Variants in PALB2 observed in about 807,000 individuals in gnomAD.
PALB2 encodes the protein mutant partner and localizer of BRCA2.
PALB2 carries 82 observed loss-of-function variants against 107.4 expected under a neutral mutation model. The ratio of observed to expected loss-of-function variants is 0.76; its 90% CI spans 0.64 to 0.92. PALB2 has a LOEUF of 0.92. PALB2 is among the 40% of genes least tolerant of loss of function. PALB2 has a pLI of 0.00. For missense variants in PALB2, 1,374 were observed against 1,379.9 expected (o/e 1.00, Z 0.07); for synonymous variants, 489 against 496.8 (o/e 0.98, Z 0.21).
intron 1 of PALB2, chr16:23,640,605 T>C (rs1208249878): frequency 8.6e-6 from 2 of 233,628 alleles, no homozygotes; most frequent in Non-Finnish European, 1.7e-5. Context: ...GCAAGGTAGA[T>C]AAACATGTCC....
Position 23,635,075 on chromosome 16 carries a change from C to T in PALB2, c.1471G>A (p.Ala491Thr), listed in dbSNP as rs577969558. The T allele has an allele frequency of 6.2e-6, 10 of 1,614,092 alleles. No homozygotes were observed. Among genetic ancestry groups the T allele is most frequent in the African/African-American group, 1.3e-5 (1 of 75,012 alleles). Residue 491 changes from alanine (A) to threonine (T), a missense_variant, in exon 4 of 13, where the codon GCT (alanine) becomes ACT (threonine). Coordinates refer to ENST00000261584, the MANE Select transcript of PALB2 (RefSeq NM_024675.4). ...AAGTCATTATCTTCAGTGGGCCCAG[C>T]GGGAGAGCTGACTTTAGTTAATGAG... ...LLSLTKVSSP[A>T]GPTEDNDLSR...
At chr16:23,631,279 C>CAAAA (rs1157091932) in intron 4 of PALB2, among the ~76,000 whole-genome samples, 3 of 23,646 alleles carry the variant, frequency 1.3e-4, no homozygotes, top group Admixed American at 5.2e-4. Context: ...GACTCTGTCT[C>CAAAA]AAAAAAAAAA....
Position 23,633,671 on chromosome 16 carries a change from T to C in PALB2, c.1684+1191A>G, listed in dbSNP as rs145325004. On this transcript the variant is annotated intron_variant, in intron 4 of 12. Transcript: ENST00000261584. ...AAGTTGCTTAGGCCTTTTCATTACATGATGACTTCTAAAAGAGATAGTCAG... is the reference window on the plus strand; with the variant it reads ...AAGTTGCTTAGGCCTTTTCATTACACGATGACTTCTAAAAGAGATAGTCAG... Among the ~76,000 whole-genome samples, 834 of 152,306 alleles carry C rather than the reference T, an allele frequency of 5.5e-3. 4 individuals are homozygous for C. Among genetic ancestry groups the C allele is most frequent in the African/African-American group, 0.019 (775 of 41,566 alleles).
At chr16:23,612,997 C>T (rs1966614755) in intron 11 of PALB2, among the ~76,000 whole-genome samples, 1 of 151,398 alleles carries the variant, frequency 6.6e-6, no homozygotes, top group Non-Finnish European at 1.5e-5. Context: ...AGGTGTTCCA[C>T]CCACTTTGGC....
chr16:23,630,198 G>A lies in PALB2; in HGVS notation c.1956C>T (p.Ser652=), dbSNP rs1597090632. ...MFGERHLKEG[S]CIFPEELSPK... ...GACTCAGTTCCTCTGGAAAAATACA[G>A]CTTCCCTCTTTAAGATGTCTCTCTC... Residue 652 remains serine, a synonymous_variant, in exon 5 of 13, where the codon AGC becomes AGT. Transcript: ENST00000261584. 2 of 1,614,006 alleles carry A rather than the reference G, an allele frequency of 1.2e-6. No individual in the cohort carries two copies. Among genetic ancestry groups the A allele is most frequent in the Non-Finnish European group, 1.7e-6 (2 of 1,180,028 alleles).
chr16:23,631,038 C>T (rs928172457), intron 4 of PALB2, among the ~76,000 whole-genome samples: 4 of 147,114 alleles, frequency 2.7e-5, no homozygotes, highest in Non-Finnish European at 4.5e-5. Context: ...CTGAGGCAGG[C>T]GGATCACTTG....
At chr16:23,613,298 C>T (rs182891960) in intron 11 of PALB2, among the ~76,000 whole-genome samples, 2 of 152,100 alleles carry the variant, frequency 1.3e-5, no homozygotes, top group South Asian at 2.1e-4. Context: ...ACTATTAGTG[C>T]AAGAGCTGAG....
At position 23,614,111 on chromosome 16, in the gene PALB2, T is replaced by C. The variant is rs770731003; in HGVS notation, c.3114-20A>G. ...AAATTCCTTAGATAACAAAAATAAATAAGCTGATCACATTCTTCCAACAAA... is the reference window on the plus strand; with the variant it reads ...AAATTCCTTAGATAACAAAAATAAACAAGCTGATCACATTCTTCCAACAAA... On this transcript the variant is annotated intron_variant, in intron 10 of 12. Transcript: ENST00000261584. 2.6e-6 allele frequency: 4 copies of C among 1,513,964 alleles called. No homozygotes were observed. The South Asian group carries it at 4.5e-5, about 17-fold the overall frequency. The allele number at this position is 1,513,964 out of a possible 1,614,324, so 93.8% of individuals were successfully genotyped here. A position where few individuals can be genotyped will look rare whatever the true frequency, so the allele number is the denominator to read the frequency against.
intron 9 of PALB2, among the ~76,000 whole-genome samples, chr16:23,622,110 A>G (rs1966783152): frequency 6.6e-6 from 1 of 152,252 alleles, no homozygotes; most frequent in Non-Finnish European, 1.5e-5. Flanking sequence ...TACATGAATA[A>G]TAACAATGAA....
chr16:23,623,498 G>A (rs922999662), intron 8 of PALB2, among the ~76,000 whole-genome samples: 11 of 127,726 alleles, frequency 8.6e-5, no homozygotes, highest in East Asian at 4.6e-4. Flanking sequence ...CACCATACCC[G>A]GCCTTTTTTT....
intron 7 of PALB2, 82 bp from the exon 8 acceptor site, chr16:23,624,176 C>A: frequency 1.2e-6 from 1 of 863,626 alleles, no homozygotes; most frequent in East Asian, 2.6e-5. Flanking sequence ...TTATCACATT[C>A]TTTTGTATTC....
At position 23,623,094 on chromosome 16, in the gene PALB2, C is replaced by T. The variant is rs1567213833; in HGVS notation, c.2871G>A (p.Lys957=). The T allele has an allele frequency of 6.2e-7, 1 of 1,613,840 alleles. No homozygotes were observed. The highest frequency in any genetic ancestry group is 8.5e-7 in the Non-Finnish European group (1 of 1,179,958). The change falls in exon 9 of 13, where the codon AAG becomes AAA. Residue 957 remains lysine, a synonymous_variant. Coordinates refer to ENST00000261584, the MANE Select transcript of PALB2 (RefSeq NM_024675.4). ...TATTTCCAGACTTCAGTAGTACTTG[C>T]TTTTCACTTTCATCATCAGAGGAAC... ...LFCSSDDESE[K]QVLLKSGNIK...
At chr16:23,611,118 AT>A (rs1966579267) in intron 11 of PALB2, among the ~76,000 whole-genome samples, 1 of 144,418 alleles carries the variant, frequency 6.9e-6, no homozygotes, top group Admixed American at 6.9e-5. Flanking sequence ...CTATCTATCT[AT>A]CTATCAATCT....
intron 5 of PALB2, 149 bp from the exon 6 acceptor site, chr16:23,629,424 CAA>C: frequency 2.2e-6 from 2 of 900,800 alleles, no homozygotes; most frequent in Admixed American, 2.0e-5. Flanking sequence ...TCACTGATAA[CAA>C]AGAGAATAGG....
chr16:23,637,107 G>A (rs750959734), intron 3 of PALB2, among the ~76,000 whole-genome samples: 2 of 152,008 alleles, frequency 1.3e-5, no homozygotes, highest in African/African-American at 2.4e-5. Context: ...AATTAGCTGG[G>A]CGTGGCGGTG....
rs879254033 is a variant in PALB2 at position 23,603,584 on chromosome 16, G to C, written c.3436C>G (p.Gln1146Glu). 4 of 1,614,098 alleles carry C rather than the reference G, an allele frequency of 2.5e-6. No homozygotes were observed. Among genetic ancestry groups the C allele is most frequent in the East Asian group, 4.5e-5 (2 of 44,874 alleles). ...TIAIWDLLLG[Q>E]CTALLPPVSD... ...ACAGGTGGGAGGAGGGCAGTACACT[G>C]ACCGAGAAGTAAGTCCCAAATGGCA... is the stretch of plus-strand genomic sequence containing the variant. The change falls in exon 13 of 13, where the codon CAG (glutamine) becomes GAG (glutamate). Residue 1146 changes from glutamine (Q) to glutamate (E), a missense_variant. Gln to Glu is a conservative substitution (Grantham distance 29, BLOSUM62 2). Transcript: ENST00000261584.
chr16:23,629,106 G>C, intron 6 of PALB2, 98 bp downstream of exon 6: 31 of 900,426 alleles, frequency 3.4e-5, no homozygotes, highest in Non-Finnish European at 5.3e-5. Context: ...ATCTTTAATA[G>C]TATTAAAGAA....
chr16:23,634,863 T>G lies in PALB2; in HGVS notation c.1683A>C (p.Lys561Asn). The change falls in exon 4 of 13, where the codon AAA (lysine) becomes AAC (asparagine). Residue 561 changes from lysine to asparagine, a missense_variant and splice_region_variant. Coordinates refer to ENST00000261584, the MANE Select transcript of PALB2 (RefSeq NM_024675.4). ...ATCATCAAACACATCTTGATTTACC[T>G]TTCACTTGAATAAATAATTTTTCGT... ...YQHEKLFIQVKGKKSRHQKED... is the reference protein window; with the variant it reads ...YQHEKLFIQVNGKKSRHQKED... 1 of 1,612,956 alleles carries G rather than the reference T, an allele frequency of 6.2e-7. No individual in the cohort carries two copies. Among genetic ancestry groups the G allele is most frequent in the Non-Finnish European group, 8.5e-7 (1 of 1,179,344 alleles).
intron 4 of PALB2, among the ~76,000 whole-genome samples, chr16:23,633,963 C>T (rs1470988290): frequency 3.3e-5 from 5 of 152,160 alleles, no homozygotes; most frequent in African/African-American, 4.8e-5. Flanking sequence ...CCCACCTTGG[C>T]CTCCCGAAGT....
Sources: allele counts gnomAD v4.1 joint callset (sites outside exome capture counted in the v4.1 genomes callset), GRCh38; gene constraint gnomAD v4.1.1; transcripts MANE v1.5; gene names NCBI Gene and HGNC (gene_info 2026-07-23, HGNC 2026-07-21).